Variants in VMA22 observed in about 807,000 individuals in gnomAD.
VMA22 encodes the protein vacuolar ATPase assembly factor VMA22, also known as vacuolar ATPase assembly protein VMA22.
At chr2:130,342,451 A>AT in the VMA22 span, 1 of 549,094 alleles carries the variant, frequency 1.8e-6, no homozygotes, top group Non-Finnish European at 3.2e-6. Flanking sequence ...GCGATGGAAG[A>AT]AGGCGAAGCT....
At chr2:130,339,420 CTT>C in the VMA22 span, 1 of 1,420,158 alleles carries the variant, frequency 7.0e-7, no homozygotes, top group Non-Finnish European at 9.2e-7. Flanking sequence ...TCCTTCAGGT[CTT>C]TGCTAAAATG....
chr2:130,341,801 G>GGGGGGCCCCCCCC, the VMA22 span: 1 of 1,378,138 alleles, frequency 7.3e-7, no homozygotes, highest in Non-Finnish European at 9.9e-7. Context: ...CCTAGAACGC[G>GGGGGGCCCCCCCC]CCCGCCCGCC....
chr2:130,341,555 C>G, the VMA22 span: 3 of 875,998 alleles, frequency 3.4e-6, no homozygotes, highest in Non-Finnish European at 5.3e-6. Context: ...TTCTGTTCTT[C>G]TGCTCTGGGA....
At chr2:130,338,918 A>C in the VMA22 span, 1 of 571,228 alleles carries the variant, frequency 1.8e-6, no homozygotes, top group African/African-American at 1.9e-5. Flanking sequence ...GAATGGTTTC[A>C]AAGTAGTGGC....
At chr2:130,341,929 C>G in the VMA22 span, 3 of 1,613,360 alleles carry the variant, frequency 1.9e-6, no homozygotes, top group African/African-American at 4.0e-5. Context: ...CGAGCCTTGG[C>G]GAGCGAGAGC....
the VMA22 span, chr2:130,341,981 C>A: frequency 6.2e-7 from 1 of 1,613,094 alleles, no homozygotes. Flanking sequence ...TCAGTTTACG[C>A]CCGTGTACCC....
At chr2:130,342,139 G>C in the VMA22 span, 1 of 1,613,142 alleles carries the variant, frequency 6.2e-7, no homozygotes, top group Non-Finnish European at 8.5e-7. Flanking sequence ...CACACCTCCA[G>C]ATCTGGAGCC....
the VMA22 span, chr2:130,340,475 G>T: frequency 4.0e-6 from 1 of 252,676 alleles, no homozygotes; most frequent in Non-Finnish European, 7.8e-6. Context: ...CTTTTGTCCT[G>T]GCTGGTTCCT....
the VMA22 span, chr2:130,339,157 T>TG: frequency 1.2e-6 from 2 of 1,614,034 alleles, no homozygotes; most frequent in Non-Finnish European, 1.7e-6. Context: ...GAGTTTCTCT[T>TG]GGAGTCCCCG....
At chr2:130,342,623 A>C in the VMA22 span, 32 of 476,208 alleles carry the variant, frequency 6.7e-5, no homozygotes, top group East Asian at 1.0e-3. Context: ...TGCATTCTGC[A>C]CGGCGGTGGT....
At chr2:130,341,749 G>A in the VMA22 span, 2 of 1,610,996 alleles carry the variant, frequency 1.2e-6, no homozygotes, top group South Asian at 1.1e-5. Context: ...CCTGGGCCTC[G>A]CTGAAGGACG....
chr2:130,338,825 C>A, the VMA22 span: 1 of 360,178 alleles, frequency 2.8e-6, no homozygotes, highest in Non-Finnish European at 5.2e-6. Flanking sequence ...GAAAGCACAG[C>A]TGAGTGATCC....
chr2:130,342,169 T>C, the VMA22 span: 1 of 1,605,020 alleles, frequency 6.2e-7, no homozygotes, highest in Non-Finnish European at 8.5e-7. Context: ...CTTGTCACCC[T>C]CCGCAGTTTG....
chr2:130,340,789 A>T, the VMA22 span: 11 of 1,268,058 alleles, frequency 8.7e-6, no homozygotes, highest in Middle Eastern at 2.2e-4. Flanking sequence ...GGAAGTTTGG[A>T]TGGAGGAAAA....
the VMA22 span, chr2:130,341,587 C>T: frequency 3.2e-6 from 4 of 1,252,770 alleles, no homozygotes; most frequent in African/African-American, 3.0e-5. Context: ...ATCGCAAAAA[C>T]CTAATTTAAA....
chr2:130,341,926 T>G, the VMA22 span: 3 of 1,613,572 alleles, frequency 1.9e-6, no homozygotes, highest in Non-Finnish European at 2.5e-6. Context: ...TAGCGAGCCT[T>G]GGCGAGCGAG....
chr2:130,338,243 G>C, the VMA22 span: 2 of 152,274 alleles, frequency 1.3e-5, no homozygotes, highest in East Asian at 3.9e-4. Context: ...CACAAAAGTT[G>C]GGTAGTGGTT....
chr2:130,339,340 C>CA, the VMA22 span: 5 of 1,333,806 alleles, frequency 3.7e-6, no homozygotes, highest in East Asian at 1.0e-4. Flanking sequence ...CTCTGCCCCC[C>CA]ACACTTGTCC....
the VMA22 span, chr2:130,339,827 G>A: frequency 3.0e-5 from 39 of 1,287,020 alleles, no homozygotes; most frequent in Middle Eastern, 2.2e-4. Flanking sequence ...CTCACCTCCC[G>A]TCCATACTCC....
Sources: allele counts gnomAD v4.1 joint callset, GRCh38; gene constraint gnomAD v4.1.1; transcripts MANE v1.5; gene names NCBI Gene and HGNC (gene_info 2026-07-23, HGNC 2026-07-21).